ZBTB20: variants seen among roughly 807,000 people sequenced by gnomAD.
ZBTB20 encodes the protein zinc finger and BTB domain containing 20.
In ZBTB20, 9 loss-of-function variants were observed where a neutral mutation model predicts 56.9. The observed-to-expected ratio is 0.16, with a 90% confidence interval of 0.10 to 0.28. The LOEUF (loss-of-function observed/expected upper bound fraction) is 0.28. Ranked by LOEUF, ZBTB20 falls within the 10% of genes least tolerant of loss-of-function variation. The pLI, the probability that ZBTB20 is intolerant of heterozygous loss-of-function variation, is 1.00. For missense variants in ZBTB20, 655 were observed against 1,003.0 expected, an observed-to-expected ratio of 0.65 and a Z score of 4.69; for synonymous variants, 417 against 420.7, an observed-to-expected ratio of 0.99 and a Z score of 0.11.
At chr3:114,992,653 T>C (rs932627132) in intron 2 of ZBTB20, among the ~76,000 whole-genome samples, 1 of 151,420 alleles carries the variant, frequency 6.6e-6, no homozygotes, top group Non-Finnish European at 1.5e-5. Flanking sequence ...ATGAGAGGAG[T>C]GGAACAGAAG....
Position 114,329,765 on chromosome 3 carries a change from T to C in ZBTB20, c.*9240A>G, listed in dbSNP as rs1027942474. The C allele has an allele frequency of 6.2e-5, 9 of 146,310 alleles. No homozygotes were observed. The East Asian group carries it at 1.0e-3, about 17-fold the overall frequency. 9.1% of individuals were successfully genotyped at this position (146,310 alleles called of 1,614,324 possible). A position where few individuals can be genotyped will look rare whatever the true frequency, so the allele number is the denominator to read the frequency against. On this transcript the variant is annotated 3_prime_UTR_variant, in exon 12 of 12. Coordinates refer to ENST00000675478, the MANE Select transcript of ZBTB20 (RefSeq NM_001348800.3). ...ACTCCCAGGAAAATGAACACTATAT[T>C]GCCAAGCTGCCTCCAGGGAAAGGTT...
chr3:115,034,220 C>T (rs1322262740), intron 2 of ZBTB20, among the ~76,000 whole-genome samples: 11 of 151,516 alleles, frequency 7.3e-5, no homozygotes, highest in Admixed American at 6.6e-4. Flanking sequence ...ACTGAAAGTC[C>T]TAGTCAGAGC....
chr3:115,048,936 G>A (rs1438097194), intron 2 of ZBTB20, among the ~76,000 whole-genome samples: 13 of 151,884 alleles, frequency 8.6e-5, no homozygotes, highest in Non-Finnish European at 1.3e-4. Flanking sequence ...CCTTTCACAG[G>A]TACACATACT....
chr3:114,948,788 C>T (rs529590184), intron 3 of ZBTB20, among the ~76,000 whole-genome samples: 2 of 146,088 alleles, frequency 1.4e-5, no homozygotes, highest in Non-Finnish European at 2.9e-5. Context: ...GTCCACTGTG[C>T]AGAAAACTAT....
intron 1 of ZBTB20, among the ~76,000 whole-genome samples, chr3:115,078,001 T>C (rs1265364202): frequency 6.6e-6 from 1 of 152,212 alleles, no homozygotes; most frequent in African/African-American, 2.4e-5. Flanking sequence ...GTACTACTTT[T>C]AGCCTCAATT....
chr3:114,815,916 T>A (rs1392762377), intron 4 of ZBTB20, among the ~76,000 whole-genome samples: 1 of 152,188 alleles, frequency 6.6e-6, no homozygotes, highest in African/African-American at 2.4e-5. Flanking sequence ...TTTCTTTATT[T>A]TTATTTTTAC....
At chr3:114,497,401 T>C (rs1375457395) in intron 7 of ZBTB20, among the ~76,000 whole-genome samples, 2 of 152,174 alleles carry the variant, frequency 1.3e-5, no homozygotes, top group Non-Finnish European at 1.5e-5. Flanking sequence ...CCCAATCTCA[T>C]ACTACTCTTT....
chr3:114,835,583 A>C (rs1464810322), intron 4 of ZBTB20, among the ~76,000 whole-genome samples: 2 of 152,194 alleles, frequency 1.3e-5, no homozygotes, highest in African/African-American at 4.8e-5. Context: ...AGTTCATAAT[A>C]GTATCTCAAA....
intron 10 of ZBTB20, among the ~76,000 whole-genome samples, chr3:114,361,347 T>C: frequency 6.6e-6 from 1 of 152,234 alleles, no homozygotes; most frequent in African/African-American, 2.4e-5. Flanking sequence ...ATTCAAACTT[T>C]TTCCTTTTCT....
chr3:114,540,762 G>GC (rs1474703844), intron 6 of ZBTB20, among the ~76,000 whole-genome samples: 4 of 151,946 alleles, frequency 2.6e-5, no homozygotes, highest in South Asian at 2.1e-4. Context: ...TGTCCCATTT[G>GC]CCCCCTGTGC....
chr3:114,958,374 C>G (rs999275412), intron 3 of ZBTB20, among the ~76,000 whole-genome samples: 2 of 152,120 alleles, frequency 1.3e-5, no homozygotes, highest in African/African-American at 2.4e-5. Context: ...TCCATAAAAT[C>G]TAGTAACAGT....
chr3:114,770,158 C>T (rs1045651121), intron 5 of ZBTB20, among the ~76,000 whole-genome samples: 1 of 151,806 alleles, frequency 6.6e-6, no homozygotes, highest in Non-Finnish European at 1.5e-5. Flanking sequence ...GTGTATGCTG[C>T]TTGGGTGATG....
At chr3:114,970,787 G>T (rs1158965789) in intron 3 of ZBTB20, among the ~76,000 whole-genome samples, 1 of 152,114 alleles carries the variant, frequency 6.6e-6, no homozygotes, top group Admixed American at 6.5e-5. Flanking sequence ...AGGCCGAGGC[G>T]GGCAGATCAC....
chr3:114,724,407 A>C (rs1432999319), intron 5 of ZBTB20, among the ~76,000 whole-genome samples: 2 of 152,228 alleles, frequency 1.3e-5, no homozygotes, highest in Non-Finnish European at 2.9e-5. Flanking sequence ...ATTAGCTGTC[A>C]TCTATTTTAA....
intron 6 of ZBTB20, among the ~76,000 whole-genome samples, chr3:114,507,067 G>C (rs1463232032): frequency 6.6e-6 from 1 of 152,202 alleles, no homozygotes; most frequent in Non-Finnish European, 1.5e-5. Context: ...GCACCAGAGA[G>C]AGGTCAAGGA....
intron 6 of ZBTB20, among the ~76,000 whole-genome samples, chr3:114,560,318 C>T (rs1238947311): frequency 6.6e-6 from 1 of 152,150 alleles, no homozygotes; most frequent in East Asian, 1.9e-4. Flanking sequence ...TGTTACTTTT[C>T]AGTAGATGAT....
rs114734599 is a variant in ZBTB20, at chr3:114,645,734, T to G, written c.-295+47794A>C. ...TACTTTTATTATGGAGAAACCAAAT[T>G]AATTTTATCAATTAAATGAGAATTT... is the stretch of plus-strand genomic sequence containing the variant. On this transcript the variant is annotated intron_variant, in intron 6 of 11. Transcript: ENST00000675478. 7.8e-3 allele frequency among the ~76,000 whole-genome samples: 1,192 copies of G among 152,330 alleles called. 16 individuals carry two copies. Among genetic ancestry groups the G allele is most frequent in the African/African-American group, 0.027 (1,127 of 41,570 alleles).
chr3:115,019,023 T>C (rs747937010), intron 2 of ZBTB20, among the ~76,000 whole-genome samples: 3 of 151,376 alleles, frequency 2.0e-5, no homozygotes, highest in East Asian at 2.0e-4. Context: ...CCCCTCCAGA[T>C]TGTGTGATTT....
chr3:114,694,663 T>C (rs1227141340), intron 5 of ZBTB20, among the ~76,000 whole-genome samples: 1 of 151,766 alleles, frequency 6.6e-6, no homozygotes, highest in African/African-American at 2.4e-5. Context: ...TGTGGCAGAG[T>C]GCATGAGGAG....
Sources: allele counts gnomAD v4.1 joint callset (sites outside exome capture counted in the v4.1 genomes callset), GRCh38; gene constraint gnomAD v4.1.1; transcripts MANE v1.5; gene names NCBI Gene and HGNC (gene_info 2026-07-23, HGNC 2026-07-21).